The following CC2D1A variants were observed in gnomAD, a reference collection of about 807,000 sequenced individuals.
CC2D1A encodes coiled-coil and C2 domain containing 1A, also known as coiled-coil and C2 domain-containing protein 1A.
In CC2D1A, 68 loss-of-function variants were observed where a neutral mutation model predicts 123.8. The ratio of observed to expected loss-of-function variants is 0.55; its 90% CI spans 0.45 to 0.67. The LOEUF (loss-of-function observed/expected upper bound fraction) is 0.67. Among genes scored for constraint, CC2D1A ranks in the 30% least tolerant of loss-of-function variants. CC2D1A has a pLI of 0.00. For missense variants in CC2D1A, 1,185 were observed against 1,290.3 expected (o/e 0.92, Z 1.25); for synonymous variants, 477 against 528.0 (o/e 0.90, Z 1.32).
At chr19:13,927,460 A>C in intron 22 of CC2D1A, 195 bp downstream of exon 22, 2 of 592,102 alleles carry the variant, frequency 3.4e-6, no homozygotes, top group Non-Finnish European at 3.0e-6. Context: ...CTGGTATCTC[A>C]GCCATACCAT....
At chr19:13,928,672 G>A (rs1010274809) in intron 24 of CC2D1A, among the ~76,000 whole-genome samples, 1 of 148,488 alleles carries the variant, frequency 6.7e-6, no homozygotes. Context: ...GTTCTCGGCT[G>A]TCTCCCACCA....
intron 6 of CC2D1A, among the ~76,000 whole-genome samples, chr19:13,915,148 T>C (rs1254669081): frequency 6.6e-6 from 1 of 152,272 alleles, no homozygotes; most frequent in East Asian, 1.9e-4. Flanking sequence ...CAATGGAAGT[T>C]TGGCATAAAA....
At position 13,927,923 on chromosome 19, in the gene CC2D1A, C is replaced by T. The variant is rs779620838; in HGVS notation, c.2347C>T (p.Arg783Ter). Residue 783 changes from arginine (R) to a stop codon, truncating the protein, a stop_gained, in exon 23 of 29, where the codon CGA becomes TGA. Coordinates refer to ENST00000318003, the MANE Select transcript of CC2D1A (RefSeq NM_017721.5). LOFTEE classifies it high-confidence loss of function. ...GGATGGTCGCCGGCCCACAGGGGGG[C>T]GACTGGAGGTAATGGTCCGGATTCG... Reference protein sequence around the residue: ...VLDGRRPTGGRLEVMVRIREP... With the variant: ...VLDGRRPTGG The T allele has an allele frequency of 7.4e-6, 12 of 1,613,426 alleles. No homozygotes were observed. Among genetic ancestry groups the T allele is most frequent in the South Asian group, 1.1e-5 (1 of 91,080 alleles).
At chr19:13,920,483 A>G in intron 12 of CC2D1A, 74 bp from the exon 13 acceptor site, 1 of 902,686 alleles carries the variant, frequency 1.1e-6, no homozygotes, top group Non-Finnish European at 1.8e-6. Flanking sequence ...TGTCACCATC[A>G]GACCCTGATC....
chr19:13,912,318 G>C lies in CC2D1A; in HGVS notation c.197-5G>C, dbSNP rs373157979. Reference sequence around the variant, plus strand: ...GGTCCACCTGGGGCATCCCCCTACCGCCAGGTCCCTTGCCGATGGAGGCCA... The same window carrying C: ...GGTCCACCTGGGGCATCCCCCTACCCCCAGGTCCCTTGCCGATGGAGGCCA... On this transcript the variant is annotated splice_polypyrimidine_tract_variant and splice_region_variant and intron_variant, in intron 2 of 28. Transcript: ENST00000318003. 6.3e-7 allele frequency: 1 copy of C among 1,591,116 alleles called. No homozygotes were observed. Among genetic ancestry groups the C allele is most frequent in the Non-Finnish European group, 8.6e-7 (1 of 1,169,218 alleles).
At chr19:13,929,335 C>T in intron 24 of CC2D1A, 44 bp from the exon 25 acceptor site, 1 of 1,595,144 alleles carries the variant, frequency 6.3e-7, no homozygotes, top group East Asian at 2.2e-5. Flanking sequence ...CAGGGTTGGG[C>T]TGGGGGAATC....
At chr19:13,920,530 T>G in intron 12 of CC2D1A, 27 bp from the exon 13 acceptor site, 1 of 1,372,892 alleles carries the variant, frequency 7.3e-7, no homozygotes, top group Non-Finnish European at 1.0e-6. Context: ...CTACGAAATC[T>G]CTAACATCCT....
intron 6 of CC2D1A, among the ~76,000 whole-genome samples, chr19:13,916,195 T>C (rs1971198666): frequency 6.6e-6 from 1 of 152,024 alleles, no homozygotes; most frequent in East Asian, 1.9e-4. Context: ...AGGCAGGGGT[T>C]GCAGTGAGCC....
Position 13,913,588 on chromosome 19 carries a change from C to T in CC2D1A, c.698C>T (p.Ala233Val), listed in dbSNP as rs181548764. Residue 233 changes from alanine (A) to valine (V), a missense_variant, in exon 6 of 29, where the codon GCC (alanine) becomes GTC (valine). Transcript: ENST00000318003. Reference protein sequence around the residue: ...EPRVTLEGPSATAPASSPGLA... With the variant: ...EPRVTLEGPSVTAPASSPGLA... ...AGGGTCACCCTGGAGGGACCTTCTGCCACCGCCCCAGCCTCATCTCCAGGC... is the reference window on the plus strand; with the variant it reads ...AGGGTCACCCTGGAGGGACCTTCTGTCACCGCCCCAGCCTCATCTCCAGGC... The T allele has an allele frequency of 5.1e-4, 823 of 1,613,690 alleles. 4 individuals are homozygous for T. In the African/African-American group the frequency reaches 0.01, roughly 20 times the overall value.
rs1971295147 is a variant in CC2D1A, at chr19:13,918,729, G to A, written c.947-17G>A. 6.2e-7 allele frequency: 1 copy of A among 1,607,368 alleles called. No homozygotes were observed. The highest frequency in any genetic ancestry group is 1.3e-5 in the African/African-American group (1 of 74,852). On this transcript the variant is annotated splice_polypyrimidine_tract_variant and intron_variant, in intron 8 of 28. Coordinates refer to ENST00000318003, the MANE Select transcript of CC2D1A (RefSeq NM_017721.5). ...AGCTAACAAGCCCCTCATTGGCCTGGACCTCTCTGTCCCCAGACCAGCTGC... is the reference window on the plus strand; with the variant it reads ...AGCTAACAAGCCCCTCATTGGCCTGAACCTCTCTGTCCCCAGACCAGCTGC...
Position 13,927,273 on chromosome 19 carries a change from G to A in CC2D1A, c.2316+8G>A. On this transcript the variant is annotated splice_region_variant and intron_variant, in intron 22 of 28. Transcript: ENST00000318003. Reference sequence around the variant, plus strand: ...GTCCGGGAGATCCTTGAGGTGAGAGGTGGACATTCATCCGCGTGCTCCGGT... The same window carrying A: ...GTCCGGGAGATCCTTGAGGTGAGAGATGGACATTCATCCGCGTGCTCCGGT... 1.9e-6 allele frequency: 3 copies of A among 1,610,644 alleles called. No homozygotes were observed. The highest frequency in any genetic ancestry group is 2.5e-6 in the Non-Finnish European group (3 of 1,176,876).
In CC2D1A at chr19:13,918,817, G is replaced by A. The variant is rs372403900; in HGVS notation, c.1018G>A (p.Glu340Lys). The A allele has an allele frequency of 2.4e-5, 38 of 1,613,560 alleles. No individual in the cohort carries two copies. Among genetic ancestry groups the A allele is most frequent in the Non-Finnish European group, 3.1e-5 (37 of 1,179,772 alleles). ...CCCCGCTACGGCGCCCTCCACAACA[G>A]GTAGGTTCTGGGACCCTCTGGGGTT... ...PTPATAPSTT[E>K]VPPPPRTLLE... The change falls in exon 9 of 29, where the codon GAG (glutamate) becomes AAG (lysine). Residue 340 changes from glutamate to lysine, a missense_variant and splice_region_variant. By Grantham distance (56) the Glu-to-Lys change is moderately conservative. Transcript: ENST00000318003.
rs541696162 is a variant in CC2D1A at position 13,919,242 on chromosome 19, G to T, written c.1222+40G>T. The T allele has an allele frequency of 4.9e-6, 7 of 1,426,962 alleles. No individual in the cohort carries two copies. The East Asian group carries it at 1.5e-4, about 31-fold the overall frequency. The allele number at this position is 1,426,962 out of a possible 1,614,324, so 88.4% of individuals were successfully genotyped here. On this transcript the variant is annotated intron_variant, in intron 11 of 28. Coordinates refer to ENST00000318003, the MANE Select transcript of CC2D1A (RefSeq NM_017721.5). ...TGTAGGCCTCGCCCCAGTAGGCCCC[G>T]CCCCCGTAGGCCCCGCCCCCAGAGG...
In CC2D1A at chr19:13,923,234, C is replaced by G. The variant is rs1006559145; in HGVS notation, c.1642-99C>G. 1.4e-6 allele frequency: 2 copies of G among 1,399,970 alleles called. No homozygotes were observed. The highest frequency in any genetic ancestry group is 4.5e-5 in the Admixed American group (2 of 44,140). The allele number at this position is 1,399,970 out of a possible 1,614,324, so 86.7% of individuals were successfully genotyped here. On this transcript the variant is annotated intron_variant, in intron 14 of 28. Transcript: ENST00000318003. The surrounding 1 kb of genome is among the most constrained non-coding windows in gnomAD (Gnocchi z 5.3). Reference sequence around the variant, plus strand: ...CAGAGAAGGGTGACAGAGCCGTGGTCAGGGAATGCCCCTCGTCAAGGAAGA... The same window carrying G: ...CAGAGAAGGGTGACAGAGCCGTGGTGAGGGAATGCCCCTCGTCAAGGAAGA...
chr19:13,926,643 G>T, intron 18 of CC2D1A, 24 bp from the exon 19 acceptor site: 1 of 1,614,194 alleles, frequency 6.2e-7, no homozygotes, highest in Non-Finnish European at 8.5e-7. Flanking sequence ...TCTCTGCCCA[G>T]CTCTGACCGT....
At chr19:13,908,963 G>A (rs972147405) in intron 1 of CC2D1A, among the ~76,000 whole-genome samples, 1 of 150,576 alleles carries the variant, frequency 6.6e-6, no homozygotes, top group Non-Finnish European at 1.5e-5. Context: ...GCTTTACTCT[G>A]TTGCCCAGGC....
chr19:13,913,082 A>C, intron 4 of CC2D1A, 86 bp from the exon 5 acceptor site: 1 of 1,392,474 alleles, frequency 7.2e-7, no homozygotes, highest in Non-Finnish European at 9.5e-7. Flanking sequence ...CAGGGATGAC[A>C]TGGGGCCGAC....
intron 24 of CC2D1A, among the ~76,000 whole-genome samples, chr19:13,928,572 C>G (rs1347861448): frequency 6.6e-6 from 1 of 151,898 alleles, no homozygotes; most frequent in Non-Finnish European, 1.5e-5. Context: ...TTACCTCCTC[C>G]AGGAAGCCCT....
Position 13,923,871 on chromosome 19 carries a change from G to A in CC2D1A, c.1940+60G>A. ...CCAGTGGCCCTTTGGTGGCGGTGGG[G>A]CGGGTTGTGCTCCCCAGAAGCTGGC... On this transcript the variant is annotated intron_variant, in intron 17 of 28. Transcript: ENST00000318003. The surrounding 1 kb of genome is among the most constrained non-coding windows in gnomAD (Gnocchi z 5.3). The A allele has an allele frequency of 7.8e-7, 1 of 1,276,376 alleles. No individual in the cohort carries two copies. Among genetic ancestry groups the A allele is most frequent in the African/African-American group, 1.5e-5 (1 of 68,532 alleles). The allele number at this position is 1,276,376 out of a possible 1,614,324, so 79.1% of individuals were successfully genotyped here.
Sources: gnomAD v4.1 joint callset for allele counts (sites outside exome capture counted in the v4.1 genomes callset) on GRCh38, gnomAD v4.1.1 for gene constraint, Gnocchi (gnomAD v3.1) non-coding constraint, MANE v1.5 for transcripts, NCBI Gene and HGNC (gene_info 2026-07-23, HGNC 2026-07-21) for gene names.